The following ERG variants were observed in gnomAD, a reference collection of about 807,000 sequenced individuals.
ERG encodes ETS transcription factor ERG.
In ERG, 9 loss-of-function variants were observed where a neutral mutation model predicts 55.3. The observed-to-expected ratio is 0.16, with a 90% CI of 0.10 to 0.28. The LOEUF is 0.28. Ranked by LOEUF, ERG falls within the 10% of genes least tolerant of loss-of-function variation. The pLI is 1.00. For missense variants in ERG, 434 were observed against 631.6 expected, an observed-to-expected ratio of 0.69 and a Z score of 3.35; for synonymous variants, 223 against 237.3, an observed-to-expected ratio of 0.94 and a Z score of 0.55.
intron 2 of ERG, 109 bp from the exon 3 acceptor site, chr21:38,423,670 T>G: frequency 8.3e-7 from 1 of 1,209,648 alleles, no homozygotes; most frequent in Admixed American, 2.4e-5. Flanking sequence ...CGGAAGAGAC[T>G]GGGGGAGAAA....
intron 3 of ERG, among the ~76,000 whole-genome samples, chr21:38,405,578 A>G (rs947539442): frequency 6.6e-6 from 1 of 152,172 alleles, no homozygotes; most frequent in African/African-American, 2.4e-5. Flanking sequence ...ATGAGCAGCC[A>G]AGGTTCAGAT....
intron 1 of ERG, among the ~76,000 whole-genome samples, chr21:38,652,232 C>T (rs2060492550): frequency 6.6e-6 from 1 of 152,168 alleles, no homozygotes; most frequent in Non-Finnish European, 1.5e-5. Context: ...CCCTCCCGCC[C>T]ACTGCTATCT....
At chr21:38,544,557 G>C (rs1397303643) in intron 2 of ERG, among the ~76,000 whole-genome samples, 1 of 152,274 alleles carries the variant, frequency 6.6e-6, no homozygotes, top group South Asian at 2.1e-4. Context: ...AACTAAACAT[G>C]ACTCTTCAAA....
chr21:38,653,973 A>T (rs1163484045), intron 1 of ERG, among the ~76,000 whole-genome samples: 1 of 152,256 alleles, frequency 6.6e-6, no homozygotes, highest in African/African-American at 2.4e-5. Context: ...AAACAAATAC[A>T]GCCCTTACTG....
Position 38,498,306 on chromosome 21 carries a change from A to C in ERG, c.18+57T>G. On this transcript the variant is annotated intron_variant, in intron 1 of 9. Transcript: ENST00000288319. This position sits in a 1 kb window ranked among gnomAD's most constrained non-coding sequence, Gnocchi z 4.6. ...CTTATCTGCCTTGATAAAGGAAACCAAAGAAAAGAGTAACAAGAACAAGAT... is the reference window on the plus strand; with the variant it reads ...CTTATCTGCCTTGATAAAGGAAACCCAAGAAAAGAGTAACAAGAACAAGAT... 1.3e-6 allele frequency: 2 copies of C among 1,514,816 alleles called. No individual in the cohort carries two copies. The highest frequency in any genetic ancestry group is 1.8e-6 in the Non-Finnish European group (2 of 1,093,090). 93.8% of individuals were successfully genotyped at this position (1,514,816 alleles called of 1,614,324 possible).
At chr21:38,448,830 G>A (rs1414987691) in intron 1 of ERG, among the ~76,000 whole-genome samples, 2 of 152,206 alleles carry the variant, frequency 1.3e-5, no homozygotes, top group Admixed American at 1.3e-4. Flanking sequence ...TGACTTCAAA[G>A]GGGAGAGAGG....
At chr21:38,417,661 C>T (rs925357575) in intron 3 of ERG, among the ~76,000 whole-genome samples, 5 of 151,956 alleles carry the variant, frequency 3.3e-5, no homozygotes, top group Admixed American at 6.6e-5. Context: ...TGGTGGCAGG[C>T]GCCTGAGATC....
At chr21:38,455,106 CTTTCTTTCTTTCTT>C (rs2058975227) in intron 1 of ERG, among the ~76,000 whole-genome samples, 1 of 40,960 alleles carries the variant, frequency 2.4e-5, no homozygotes, top group African/African-American at 7.0e-5. Context: ...TTCTTTCTTT[CTTTCTTTCTTTCTT>C]TTTTTTTTTT....
chr21:38,482,563 G>A (rs570837372), intron 1 of ERG, among the ~76,000 whole-genome samples: 2 of 152,196 alleles, frequency 1.3e-5, no homozygotes, highest in African/African-American at 4.8e-5. Context: ...TACCCGCAGT[G>A]CCATATTCAT....
At chr21:38,451,877 A>C (rs1000351081) in intron 1 of ERG, among the ~76,000 whole-genome samples, 1 of 152,230 alleles carries the variant, frequency 6.6e-6, no homozygotes, top group African/African-American at 2.4e-5. Context: ...CACACAAAAA[A>C]GCGAAACGTG....
intron 2 of ERG, among the ~76,000 whole-genome samples, chr21:38,519,957 T>C (rs759328259): frequency 6.6e-6 from 1 of 151,692 alleles, no homozygotes; most frequent in South Asian, 2.1e-4. Context: ...GCATTTTGTA[T>C]AAAATACTGT....
chr21:38,540,612 G>C (rs971350509), intron 2 of ERG, among the ~76,000 whole-genome samples: 1 of 152,126 alleles, frequency 6.6e-6, no homozygotes, highest in Non-Finnish European at 1.5e-5. Context: ...CCTCCTCAAG[G>C]AGGGTTACAC....
chr21:38,404,351 G>A (rs1019638383), intron 3 of ERG, among the ~76,000 whole-genome samples: 3 of 152,170 alleles, frequency 2.0e-5, no homozygotes, highest in Non-Finnish European at 4.4e-5. Context: ...ACCTGCAGGA[G>A]TGGGGTTGGT....
chr21:38,478,445 C>G (rs967433021), intron 1 of ERG, among the ~76,000 whole-genome samples: 4 of 152,138 alleles, frequency 2.6e-5, no homozygotes, highest in Non-Finnish European at 4.4e-5. Context: ...CTCCCAGGAA[C>G]ACTGGGAGTT....
intron 2 of ERG, among the ~76,000 whole-genome samples, chr21:38,521,023 G>C (rs1294623002): frequency 6.6e-6 from 1 of 152,094 alleles, no homozygotes; most frequent in Non-Finnish European, 1.5e-5. Flanking sequence ...TTAGTGGGGA[G>C]AAGTGAGATA....
In ERG at chr21:38,445,412, A is replaced by T; in HGVS notation, c.228T>A (p.Asn76Lys). The change falls in exon 2 of 10, where the codon AAT becomes AAA. Residue 76 changes from asparagine to lysine, a missense_variant. Coordinates refer to ENST00000288319, the MANE Select transcript of ERG (RefSeq NM_182918.4). The stretch of plus-strand genomic sequence containing the variant: ...GGCGGAAGTCTCCTTACCTTGAGCC[A>T]TTCACCTGGCTAGGGTTACATTCCA... ...IKMECNPSQV[N>K]GSRNSPDECS... The T allele has an allele frequency of 6.2e-7, 1 of 1,613,830 alleles. No homozygotes were observed. The highest frequency in any genetic ancestry group is 8.5e-7 in the Non-Finnish European group (1 of 1,179,752).
intron 2 of ERG, among the ~76,000 whole-genome samples, chr21:38,560,585 T>C (rs1162521368): frequency 1.3e-5 from 2 of 151,894 alleles, no homozygotes; most frequent in Non-Finnish European, 2.9e-5. Context: ...ACAGCCCCCT[T>C]CCCCCTCCAA....
chr21:38,623,733 CA>C, intron 1 of ERG, among the ~76,000 whole-genome samples: 1 of 152,296 alleles, frequency 6.6e-6, no homozygotes, highest in Non-Finnish European at 1.5e-5. Context: ...GTAAGTAAGG[CA>C]AAGGTTGCCA....
intron 1 of ERG, among the ~76,000 whole-genome samples, chr21:38,470,263 T>C (rs1004709591): frequency 9.5e-6 from 1 of 105,124 alleles, no homozygotes; most frequent in Admixed American, 9.7e-5. Context: ...TTTTCTATTA[T>C]TATTATTATT....
Sources: allele counts gnomAD v4.1 joint callset (sites outside exome capture counted in the v4.1 genomes callset), GRCh38; gene constraint gnomAD v4.1.1; non-coding constraint Gnocchi (gnomAD v3.1); transcripts MANE v1.5; gene names NCBI Gene and HGNC (gene_info 2026-07-23, HGNC 2026-07-21).